The following ZNF503 variants were observed in gnomAD, a reference collection of about 807,000 sequenced individuals.
ZNF503 encodes zinc finger protein 503, also known as NocA-like zinc finger 2.
A neutral mutation model predicts 34.4 loss-of-function variants in ZNF503; 15 were observed. That is an observed-to-expected ratio of 0.44 (90% CI 0.29 to 0.67). The LOEUF (loss-of-function observed/expected upper bound fraction) is 0.67. Ranked by LOEUF, ZNF503 falls within the 30% of genes least tolerant of loss-of-function variation. ZNF503 has a pLI of 0.13. For missense variants in ZNF503, 1,007 were observed against 926.8 expected (o/e 1.09, Z -1.12); for synonymous variants, 580 against 456.8 (o/e 1.27, Z -3.44).
chr10:75,311,201 A>G, the ZNF503 span, among the ~76,000 whole-genome samples: 1 of 152,204 alleles, frequency 6.6e-6, no homozygotes. Context: ...AACATGGGAG[A>G]AAGATGTAGG....
chr10:75,363,482 G>T, the ZNF503 span, among the ~76,000 whole-genome samples: 1 of 152,158 alleles, frequency 6.6e-6, no homozygotes, highest in Non-Finnish European at 1.5e-5. Context: ...GTTTATCCAC[G>T]TGGAAATGCT....
At chr10:75,389,159 G>C in the ZNF503 span, among the ~76,000 whole-genome samples, 3 of 152,378 alleles carry the variant, frequency 2.0e-5, no homozygotes, top group African/African-American at 7.2e-5. Flanking sequence ...AAATGGCAGA[G>C]ATGGAGAGAC....
the ZNF503 span, among the ~76,000 whole-genome samples, chr10:75,364,884 T>C: frequency 6.6e-6 from 1 of 152,200 alleles, no homozygotes; most frequent in African/African-American, 2.4e-5. Context: ...GCATCCTTTG[T>C]AAATGGGCAG....
chr10:75,337,002 G>T, the ZNF503 span, among the ~76,000 whole-genome samples: 6 of 152,160 alleles, frequency 3.9e-5, no homozygotes, highest in African/African-American at 7.2e-5. Flanking sequence ...CTATCTTAAG[G>T]TCAACTGACT....
At chr10:75,381,058 T>A in the ZNF503 span, among the ~76,000 whole-genome samples, 1 of 152,344 alleles carries the variant, frequency 6.6e-6, no homozygotes, top group South Asian at 2.1e-4. Context: ...TTCTTTTTCC[T>A]GTAATGAAAC....
Position 75,398,986 on chromosome 10 carries a change from G to C in ZNF503, c.1704C>G (p.Ala568=). The change falls in exon 2 of 2, where the codon GCC becomes GCG. Residue 568 remains alanine (A), a synonymous_variant. Coordinates refer to ENST00000372524, the MANE Select transcript of ZNF503 (RefSeq NM_032772.6). ...SSSLASAAAA[A]MACHMHIPTS... is the part of the protein sequence containing the mutation. The stretch of plus-strand genomic sequence containing the variant: ...TGGGGATGTGCATGTGGCAAGCCAT[G>C]GCGGCCGCGGCAGCGCTGGCCAGAG... The C allele has an allele frequency of 6.2e-7, 1 of 1,605,318 alleles. No homozygotes were observed. Among genetic ancestry groups the C allele is most frequent in the Non-Finnish European group, 8.5e-7 (1 of 1,179,154 alleles).
the ZNF503 span, among the ~76,000 whole-genome samples, chr10:75,356,548 T>C: frequency 1.3e-5 from 2 of 152,248 alleles, no homozygotes; most frequent in African/African-American, 4.8e-5. Flanking sequence ...ATCACGTAGC[T>C]CATCTGCCTA....
chr10:75,300,453 G>GTAAAGACAGGCA, the ZNF503 span, among the ~76,000 whole-genome samples: 1 of 152,152 alleles, frequency 6.6e-6, no homozygotes, highest in Non-Finnish European at 1.5e-5. Context: ...AGGGATTAAA[G>GTAAAGACAGGCA]TAAAGACAGG....
the ZNF503 span, among the ~76,000 whole-genome samples, chr10:75,320,342 G>T: frequency 6.6e-6 from 1 of 151,944 alleles, no homozygotes; most frequent in Admixed American, 6.6e-5. Flanking sequence ...ATTAGCTGGC[G>T]TGGTGGATTG....
the ZNF503 span, among the ~76,000 whole-genome samples, chr10:75,362,105 A>G: frequency 6.6e-6 from 1 of 152,206 alleles, no homozygotes; most frequent in Non-Finnish European, 1.5e-5. Context: ...TGGCTTCTTA[A>G]TAAAAACAGC....
the ZNF503 span, among the ~76,000 whole-genome samples, chr10:75,380,765 A>G: frequency 0.041 from 6,250 of 152,272 alleles, 431 homozygotes; most frequent in African/African-American, 0.14. Flanking sequence ...ACCAAGAGAC[A>G]AAGGGGAAAA....
the ZNF503 span, among the ~76,000 whole-genome samples, chr10:75,283,117 C>G: frequency 6.6e-6 from 1 of 152,154 alleles, no homozygotes; most frequent in Admixed American, 6.5e-5. Flanking sequence ...GGGAGGGAAG[C>G]TAGGGAAGCT....
chr10:75,305,351 T>C, the ZNF503 span, among the ~76,000 whole-genome samples: 1 of 152,038 alleles, frequency 6.6e-6, no homozygotes, highest in Non-Finnish European at 1.5e-5. Context: ...CACTAAAAAA[T>C]GTCTTTATAC....
chr10:75,351,794 T>C, the ZNF503 span, among the ~76,000 whole-genome samples: 179 of 152,326 alleles, frequency 1.2e-3, no homozygotes, highest in African/African-American at 4.2e-3. Context: ...GCCTGGACTT[T>C]AGAACGGGAC....
chr10:75,387,208 A>C, the ZNF503 span, among the ~76,000 whole-genome samples: 1 of 152,106 alleles, frequency 6.6e-6, no homozygotes, highest in African/African-American at 2.4e-5. Flanking sequence ...TCCTCCTCAC[A>C]CTTCCCTGGG....
the ZNF503 span, among the ~76,000 whole-genome samples, chr10:75,333,490 G>A: frequency 1.8e-5 from 1 of 56,870 alleles, no homozygotes; most frequent in Non-Finnish European, 3.5e-5. Context: ...CGGACGGGGT[G>A]GCTGGCCGGG....
At position 75,398,826 on chromosome 10, in the gene ZNF503, C is replaced by G. The variant is rs1238462293; in HGVS notation, c.1864G>C (p.Ala622Pro). ...TPGAPVPVPA[A>P]TGPYYSPYAL... ...TAGGGGGAGTAGTACGGTCCGGTGG[C>G]GGCGGGCACCGGCACGGGGGCGCCA... The change falls in exon 2 of 2, where the codon GCC becomes CCC. Residue 622 changes from alanine to proline, a missense_variant. By Grantham distance (27) the Ala-to-Pro change is conservative. Transcript: ENST00000372524. 1.3e-6 allele frequency: 2 copies of G among 1,497,996 alleles called. No individual in the cohort carries two copies. Among genetic ancestry groups the G allele is most frequent in the Non-Finnish European group, 1.8e-6 (2 of 1,129,910 alleles). The allele number at this position is 1,497,996 out of a possible 1,614,324, so 92.8% of individuals were successfully genotyped here.
At chr10:75,374,210 G>A in the ZNF503 span, among the ~76,000 whole-genome samples, 4 of 152,256 alleles carry the variant, frequency 2.6e-5, no homozygotes, top group African/African-American at 9.6e-5. Flanking sequence ...TACGAGGTGG[G>A]AGAATCGCTT....
At chr10:75,359,827 G>A in the ZNF503 span, among the ~76,000 whole-genome samples, 1 of 152,248 alleles carries the variant, frequency 6.6e-6, no homozygotes, top group East Asian at 1.9e-4. Flanking sequence ...AGTAAGCCTG[G>A]AGCTGCTAGT....
Sources: gnomAD v4.1 joint callset for allele counts (sites outside exome capture counted in the v4.1 genomes callset) on GRCh38, gnomAD v4.1.1 for gene constraint, MANE v1.5 for transcripts, NCBI Gene and HGNC (gene_info 2026-07-23, HGNC 2026-07-21) for gene names.